The following ZNF441 variants were observed in gnomAD, a reference collection of about 807,000 sequenced individuals.
ZNF441 encodes the protein zinc finger protein 441.
A neutral mutation model predicts 64.5 loss-of-function variants in ZNF441; 25 were observed. That is an observed-to-expected ratio of 0.39 (90% CI 0.28 to 0.54). The LOEUF (loss-of-function observed/expected upper bound fraction) is 0.54. Ranked by LOEUF, ZNF441 falls within the 20% of genes least tolerant of loss-of-function variation. The pLI is 0.70. For missense variants in ZNF441, 715 were observed against 843.3 expected (o/e 0.85, Z 1.88); for synonymous variants, 262 against 268.0 (o/e 0.98, Z 0.22).
chr19:11,781,056 C>T lies in ZNF441; in HGVS notation c.1232C>T (p.Thr411Ile). The change falls in exon 4 of 4, where the codon ACT (threonine) becomes ATT (isoleucine). Residue 411 changes from threonine (T) to isoleucine (I), a missense_variant. This residue lies in a region of ZNF441 where 316 missense variants were observed against 429.3 expected (regional missense o/e 0.74). Transcript: ENST00000357901. ...TTCTATTACTTTCGAAATCATGAAA[C>T]TACTCACACTGGAGAGAAGCCATAT... is the stretch of plus-strand genomic sequence containing the variant. ...SDFYYFRNHE[T>I]THTGEKPYKC... 2 of 1,613,720 alleles carry T rather than the reference C, an allele frequency of 1.2e-6. No homozygotes were observed. The highest frequency in any genetic ancestry group is 2.2e-5 in the South Asian group (2 of 91,052).
intron 1 of ZNF441, among the ~76,000 whole-genome samples, chr19:11,776,848 G>T (rs1975358940): frequency 6.7e-6 from 1 of 149,302 alleles, no homozygotes; most frequent in East Asian, 2.0e-4. Flanking sequence ...CTCTCTTGTT[G>T]CCCAGGCTGG....
chr19:11,773,287 A>G (rs1975330029), intron 1 of ZNF441, among the ~76,000 whole-genome samples: 1 of 152,092 alleles, frequency 6.6e-6, no homozygotes, highest in South Asian at 2.1e-4. Flanking sequence ...TGCTACTTTA[A>G]TTATAATATA....
At chr19:11,769,963 C>T (rs8106797) in intron 1 of ZNF441, among the ~76,000 whole-genome samples, 51,738 of 151,926 alleles carry the variant, frequency 0.34, 9,147 homozygotes, top group Middle Eastern at 0.4. Context: ...TGTGAGCCAC[C>T]GTGCCCAGCC....
chr19:11,768,296 T>C (rs1347478935), intron 1 of ZNF441, among the ~76,000 whole-genome samples: 3 of 152,246 alleles, frequency 2.0e-5, no homozygotes, highest in Non-Finnish European at 4.4e-5. Flanking sequence ...ATTTTGTTTA[T>C]ACATAGCAAT....
chr19:11,770,950 T>C (rs1223161001), intron 1 of ZNF441, among the ~76,000 whole-genome samples: 4 of 144,796 alleles, frequency 2.8e-5, no homozygotes, highest in Non-Finnish European at 4.5e-5. Flanking sequence ...AAAAAAAAAA[T>C]TGAATGCAAT....
chr19:11,779,335 A>AG (rs1975378934), intron 3 of ZNF441, among the ~76,000 whole-genome samples: 1 of 149,874 alleles, frequency 6.7e-6, no homozygotes, highest in East Asian at 2.0e-4. Flanking sequence ...AAAAAAAAAA[A>AG]AAGAAAAAGA....
intron 2 of ZNF441, 188 bp downstream of exon 2, chr19:11,777,925 G>A: frequency 1.9e-6 from 1 of 521,076 alleles, no homozygotes; most frequent in Non-Finnish European, 3.3e-6. Flanking sequence ...CAGCATTACT[G>A]GTAACATAAA....
intron 3 of ZNF441, 70 bp from the exon 4 acceptor site, chr19:11,779,949 A>T: frequency 1.6e-6 from 2 of 1,275,432 alleles, no homozygotes; most frequent in South Asian, 2.9e-5. Context: ...AAGAAATGTA[A>T]ATCCAATACT....
intron 1 of ZNF441, among the ~76,000 whole-genome samples, chr19:11,769,269 A>G (rs1975294889): frequency 6.6e-6 from 1 of 152,216 alleles, no homozygotes. Context: ...TTAGTTGATC[A>G]TTGTATATGG....
At chr19:11,768,597 A>C (rs893431184) in intron 1 of ZNF441, among the ~76,000 whole-genome samples, 3 of 152,172 alleles carry the variant, frequency 2.0e-5, no homozygotes, top group South Asian at 2.1e-4. Flanking sequence ...ACAGCTGCCA[A>C]GTCTCTTGTA....
At chr19:11,769,010 G>A (rs377149598) in intron 1 of ZNF441, among the ~76,000 whole-genome samples, 2 of 152,122 alleles carry the variant, frequency 1.3e-5, no homozygotes, top group African/African-American at 4.8e-5. Context: ...GGTGATGGGG[G>A]ATGTTCCAGG....
chr19:11,776,699 A>G (rs2145081766), intron 1 of ZNF441, among the ~76,000 whole-genome samples: 1 of 152,306 alleles, frequency 6.6e-6, no homozygotes, highest in South Asian at 2.1e-4. Flanking sequence ...TCTACAGTAA[A>G]CCAGTTGCTA....
At chr19:11,776,963 C>G (rs1253840133) in intron 1 of ZNF441, among the ~76,000 whole-genome samples, 1 of 152,118 alleles carries the variant, frequency 6.6e-6, no homozygotes, top group African/African-American at 2.4e-5. Context: ...CATGAACCAC[C>G]ATACCGGGCT....
intron 3 of ZNF441, among the ~76,000 whole-genome samples, chr19:11,779,340 AAAAG>A (rs1467899431): frequency 6.6e-6 from 1 of 150,872 alleles, no homozygotes; most frequent in East Asian, 2.0e-4. Flanking sequence ...AAAAAAAAGA[AAAAG>A]AAAAAGAAAG....
At chr19:11,779,956 T>A (rs1179255737) in intron 3 of ZNF441, 63 bp from the exon 4 acceptor site, 9 of 1,292,930 alleles carry the variant, frequency 7.0e-6, no homozygotes, top group Non-Finnish European at 8.6e-6. Flanking sequence ...GTAAATCCAA[T>A]ACTTATTAAT....
At chr19:11,777,586 C>G (rs772452217) in intron 1 of ZNF441, 25 bp from the exon 2 acceptor site, 1 of 1,603,396 alleles carries the variant, frequency 6.2e-7, no homozygotes, top group South Asian at 1.1e-5. Context: ...TAATATTCCT[C>G]CTCTGCACAT....
intron 1 of ZNF441, among the ~76,000 whole-genome samples, chr19:11,775,431 G>A (rs2145080829): frequency 6.6e-6 from 1 of 152,096 alleles, no homozygotes; most frequent in East Asian, 1.9e-4. Flanking sequence ...CTGAGTTAAT[G>A]CCATTCTCCT....
In ZNF441 at chr19:11,783,852, T is replaced by G. The variant is rs1411037784; in HGVS notation, c.*1946T>G. 6.6e-6 allele frequency: 1 copy of G among 152,088 alleles called. No homozygotes were observed. Among genetic ancestry groups the G allele is most frequent in the African/African-American group, 2.4e-5 (1 of 41,412 alleles). The allele number at this position is 152,088 out of a possible 1,614,324, so 9.4% of individuals were successfully genotyped here. ...TCTGATGTTAGAAAGCATACTAGAG[T>G]GAACTATAGTTAGCAAAAATATATT... is the stretch of plus-strand genomic sequence containing the variant. On this transcript the variant is annotated 3_prime_UTR_variant, in exon 4 of 4. Transcript: ENST00000357901.
chr19:11,773,950 CAT>C (rs1254974017), intron 1 of ZNF441, among the ~76,000 whole-genome samples: 1 of 152,136 alleles, frequency 6.6e-6, no homozygotes, highest in African/African-American at 2.4e-5. Flanking sequence ...ATTAATATCA[CAT>C]ATATGTTATT....
Sources: gnomAD v4.1 joint callset for allele counts (sites outside exome capture counted in the v4.1 genomes callset) on GRCh38, gnomAD v4.1.1 for gene constraint, gnomAD v4.1.1 regional missense constraint, MANE v1.5 for transcripts, NCBI Gene and HGNC (gene_info 2026-07-23, HGNC 2026-07-21) for gene names.